PARP8: variants seen among roughly 807,000 people sequenced by gnomAD.
The protein encoded by PARP8 is protein mono-ADP-ribosyltransferase PARP8.
PARP8 carries 51 observed loss-of-function variants against 124.1 expected under a neutral mutation model. That is an observed-to-expected ratio of 0.41 (90% CI 0.33 to 0.52). The LOEUF is 0.52. PARP8 is among the 20% of genes least tolerant of loss of function. The pLI, the probability that PARP8 is intolerant of heterozygous loss-of-function variation, is 0.21. For missense variants in PARP8, 860 were observed against 1,018.9 expected (o/e 0.84, Z 2.12); for synonymous variants, 391 against 361.5 (o/e 1.08, Z -0.93).
At chr5:50,813,162 G>C (rs1299620953) in intron 14 of PARP8, among the ~76,000 whole-genome samples, 2 of 152,126 alleles carry the variant, frequency 1.3e-5, no homozygotes, top group East Asian at 1.9e-4. Context: ...GGATGGCATT[G>C]AATCTATAAA....
intron 14 of PARP8, among the ~76,000 whole-genome samples, chr5:50,810,181 A>G (rs1172021952): frequency 6.6e-6 from 1 of 151,994 alleles, no homozygotes; most frequent in Non-Finnish European, 1.5e-5. Context: ...GTACGTGTTG[A>G]TAATAGAGGG....
intron 2 of PARP8, among the ~76,000 whole-genome samples, chr5:50,718,423 A>AC (rs1448533229): frequency 6.6e-6 from 1 of 151,862 alleles, no homozygotes; most frequent in Non-Finnish European, 1.5e-5. Flanking sequence ...AAGCATATGT[A>AC]CACATATGTG....
chr5:50,740,701 T>C (rs1266620531), intron 2 of PARP8, among the ~76,000 whole-genome samples: 1 of 151,904 alleles, frequency 6.6e-6, no homozygotes, highest in Non-Finnish European at 1.5e-5. Context: ...TAGTTCTAGC[T>C]ACTTGGGAGG....
chr5:50,764,518 C>G (rs1760864470), intron 7 of PARP8, among the ~76,000 whole-genome samples: 2 of 152,206 alleles, frequency 1.3e-5, no homozygotes, highest in African/African-American at 2.4e-5. Context: ...TAGAAACTCC[C>G]TACCATCTGC....
intron 11 of PARP8, 108 bp from the exon 12 acceptor site, chr5:50,794,745 A>T: frequency 1.0e-6 from 1 of 968,202 alleles, no homozygotes; most frequent in Admixed American, 2.6e-5. Flanking sequence ...TATTAAAATG[A>T]GGTGGTAGAA....
At chr5:50,775,112 G>T (rs1259288066) in intron 7 of PARP8, among the ~76,000 whole-genome samples, 3 of 150,958 alleles carry the variant, frequency 2.0e-5, no homozygotes, top group African/African-American at 7.3e-5. Flanking sequence ...CATCCCAGAC[G>T]ATGGGCGGCC....
At chr5:50,721,388 T>A (rs892148240) in intron 2 of PARP8, among the ~76,000 whole-genome samples, 2 of 152,150 alleles carry the variant, frequency 1.3e-5, no homozygotes, top group African/African-American at 2.4e-5. Context: ...ATATAAAAAT[T>A]GGCCAGCTAT....
intron 4 of PARP8, among the ~76,000 whole-genome samples, chr5:50,760,022 G>T (rs548494026): frequency 6.6e-6 from 1 of 152,102 alleles, no homozygotes; most frequent in Non-Finnish European, 1.5e-5. Context: ...CACACTTACA[G>T]CAATGAAGAC....
At chr5:50,767,765 C>T (rs1162388444) in intron 7 of PARP8, among the ~76,000 whole-genome samples, 1 of 152,142 alleles carries the variant, frequency 6.6e-6, no homozygotes, top group African/African-American at 2.4e-5. Context: ...TATTTCTTGG[C>T]CCATTCACAA....
intron 19 of PARP8, among the ~76,000 whole-genome samples, chr5:50,827,038 T>G (rs193262136): frequency 2.0e-5 from 3 of 152,218 alleles, no homozygotes; most frequent in East Asian, 1.9e-4. Context: ...AAAACATCAA[T>G]ATGAAATCAT....
intron 2 of PARP8, among the ~76,000 whole-genome samples, chr5:50,707,510 T>G (rs559480611): frequency 1.1e-4 from 17 of 152,122 alleles, no homozygotes; most frequent in Non-Finnish European, 2.1e-4. Flanking sequence ...AATTCTTAAG[T>G]CATTAAAGCT....
chr5:50,813,836 C>T (rs1232407233), intron 14 of PARP8, among the ~76,000 whole-genome samples: 1 of 152,010 alleles, frequency 6.6e-6, no homozygotes, highest in East Asian at 1.9e-4. Flanking sequence ...CGCACACAGA[C>T]ACGCACACAC....
chr5:50,830,029 A>T, intron 22 of PARP8, 68 bp downstream of exon 22: 1 of 1,515,164 alleles, frequency 6.6e-7, no homozygotes, highest in South Asian at 1.3e-5. Flanking sequence ...TTTATACTCT[A>T]TTCACAGCTT....
chr5:50,697,438 C>A (rs1753152526), intron 2 of PARP8, among the ~76,000 whole-genome samples: 1 of 152,200 alleles, frequency 6.6e-6, no homozygotes, highest in Non-Finnish European at 1.5e-5. Flanking sequence ...GTACTTAAAT[C>A]AGTATGTTAA....
At chr5:50,696,992 G>C (rs1399340490) in intron 2 of PARP8, among the ~76,000 whole-genome samples, 11 of 152,140 alleles carry the variant, frequency 7.2e-5, no homozygotes, top group Admixed American at 3.9e-4. Context: ...GTCTGTGCCG[G>C]GCGGGGTGGC....
chr5:50,702,828 T>G (rs1197033726), intron 2 of PARP8, among the ~76,000 whole-genome samples: 1 of 151,898 alleles, frequency 6.6e-6, no homozygotes, highest in Non-Finnish European at 1.5e-5. Flanking sequence ...GAAGAGGAAG[T>G]GGTGAGGAAA....
chr5:50,785,462 C>G (rs111473351), intron 9 of PARP8, among the ~76,000 whole-genome samples: 4 of 152,250 alleles, frequency 2.6e-5, no homozygotes, highest in African/African-American at 9.6e-5. Context: ...TCTTTTGTTT[C>G]TCTGCCCTCA....
At chr5:50,682,020 G>A (rs1362570441) in intron 2 of PARP8, among the ~76,000 whole-genome samples, 2 of 152,050 alleles carry the variant, frequency 1.3e-5, no homozygotes, top group East Asian at 1.9e-4. Context: ...TGTTTGTTTC[G>A]TTTTCTTATG....
intron 2 of PARP8, among the ~76,000 whole-genome samples, chr5:50,694,346 T>C: frequency 6.6e-6 from 1 of 152,240 alleles, no homozygotes; most frequent in East Asian, 1.9e-4. Flanking sequence ...AATTTCCTTA[T>C]AGTTTTAAAT....
Sources: allele counts gnomAD v4.1 joint callset (sites outside exome capture counted in the v4.1 genomes callset), GRCh38; gene constraint gnomAD v4.1.1; transcripts MANE v1.5; gene names NCBI Gene and HGNC (gene_info 2026-07-23, HGNC 2026-07-21).